The following PCNX2 variants were observed in gnomAD, a reference collection of about 807,000 sequenced individuals.
PCNX2 encodes pecanex 2, also known as pecanex-like protein 2.
PCNX2 carries 168 observed loss-of-function variants against 223.8 expected under a neutral mutation model. That is an observed-to-expected ratio of 0.75 (90% CI 0.66 to 0.85). The LOEUF is 0.85. Among genes scored for constraint, PCNX2 ranks in the 40% least tolerant of loss-of-function variants. PCNX2 has a pLI of 0.00. For missense variants in PCNX2, 2,507 were observed against 2,675.5 expected (o/e 0.94, Z 1.39); for synonymous variants, 1,006 against 1,052.6 (o/e 0.96, Z 0.86).
Position 233,090,102 on chromosome 1 carries a change from T to G in PCNX2, c.4035A>C (p.Thr1345=). The G allele has an allele frequency of 2.5e-6, 4 of 1,613,710 alleles. No homozygotes were observed. The highest frequency in any genetic ancestry group is 3.4e-6 in the Non-Finnish European group (4 of 1,179,812). The change falls in exon 23 of 34, where the codon ACA becomes ACC. Residue 1345 remains threonine, a synonymous_variant. Transcript: ENST00000258229. ...SPFLGSVIFI[T]SYVRPVKFWE... ...AGAATTTCACTGGCCTGACATATGATGTGATGAAAATGACACTCCCAAGAA... is the reference window on the plus strand; with the variant it reads ...AGAATTTCACTGGCCTGACATATGAGGTGATGAAAATGACACTCCCAAGAA...
At chr1:233,316,753 T>C in the PCNX2 span, among the ~76,000 whole-genome samples, 1 of 152,144 alleles carries the variant, frequency 6.6e-6, no homozygotes, top group South Asian at 2.1e-4. Flanking sequence ...GGCTACTCTG[T>C]CCTCCCTACT....
At chr1:233,036,707 G>T (rs1242205367) in intron 25 of PCNX2, among the ~76,000 whole-genome samples, 1 of 151,832 alleles carries the variant, frequency 6.6e-6, no homozygotes, top group African/African-American at 2.4e-5. Context: ...TTCATGCAGA[G>T]ATTTTCTAGG....
intron 1 of PCNX2, chr1:233,291,725 A>G (rs1661778881): frequency 1.0e-6 from 1 of 984,842 alleles, no homozygotes; most frequent in Admixed American, 6.2e-5. Flanking sequence ...TGTAAAGAAC[A>G]CTCTGCTCTG....
At chr1:233,178,013 A>T (rs1679580257) in intron 16 of PCNX2, 115 bp from the exon 17 acceptor site, 3 of 701,396 alleles carry the variant, frequency 4.3e-6, no homozygotes, top group Middle Eastern at 2.6e-4. Context: ...TGCTCTCTTC[A>T]TTTAAAAATT....
the PCNX2 span, among the ~76,000 whole-genome samples, chr1:233,323,691 A>T: frequency 1.1e-3 from 167 of 152,354 alleles, no homozygotes; most frequent in African/African-American, 3.6e-3. Flanking sequence ...AATAAATGTG[A>T]TAAATGGCTG....
At chr1:233,251,973 A>G (rs1659479230) in intron 7 of PCNX2, among the ~76,000 whole-genome samples, 2 of 152,278 alleles carry the variant, frequency 1.3e-5, no homozygotes, top group Admixed American at 6.5e-5. Flanking sequence ...CTTGAAGTTG[A>G]TAACTGTGAG....
intron 25 of PCNX2, among the ~76,000 whole-genome samples, chr1:233,034,691 G>A (rs888270075): frequency 5.9e-5 from 9 of 152,140 alleles, no homozygotes; most frequent in Admixed American, 3.3e-4. Flanking sequence ...ACCGAAGAAT[G>A]GTTGCCTGAA....
chr1:233,239,473 C>A (rs984883638), intron 8 of PCNX2, among the ~76,000 whole-genome samples: 21 of 151,988 alleles, frequency 1.4e-4, no homozygotes, highest in Non-Finnish European at 2.9e-4. Flanking sequence ...ATTTAAATAT[C>A]CTTTAAAAAA....
chr1:233,273,101 T>TA (rs1660729515), intron 1 of PCNX2, among the ~76,000 whole-genome samples: 2 of 150,748 alleles, frequency 1.3e-5, no homozygotes, highest in South Asian at 2.1e-4. Context: ...CTAAAGAACT[T>TA]ACTTATGTAA....
intron 8 of PCNX2, among the ~76,000 whole-genome samples, chr1:233,248,919 C>A (rs910182668): frequency 7.2e-5 from 11 of 152,188 alleles, no homozygotes; most frequent in Non-Finnish European, 8.8e-5. Flanking sequence ...TATGTCCAGG[C>A]AGCTGTGGAA....
chr1:233,232,329 T>C (rs1658114180), intron 9 of PCNX2, among the ~76,000 whole-genome samples: 1 of 152,210 alleles, frequency 6.6e-6, no homozygotes, highest in Non-Finnish European at 1.5e-5. Context: ...TATTTGATGA[T>C]TTTGCCCAGC....
chr1:233,147,347 A>G (rs181342398), intron 19 of PCNX2, among the ~76,000 whole-genome samples: 1 of 152,344 alleles, frequency 6.6e-6, no homozygotes, highest in East Asian at 1.9e-4. Flanking sequence ...GCTAGAGAAA[A>G]GAAGATGTTA....
chr1:233,001,786 T>C lies in PCNX2; in HGVS notation c.4953-105A>G. The C allele has an allele frequency of 8.9e-7, 1 of 1,126,932 alleles. No homozygotes were observed. Among genetic ancestry groups the C allele is most frequent in the Non-Finnish European group, 1.2e-6 (1 of 851,354 alleles). 69.8% of individuals were successfully genotyped at this position (1,126,932 alleles called of 1,614,324 possible). ...CTAAGAATTATCTTAACATTTAGGC[T>C]GATATAGCAAGAAAATGAAGATAAC... On this transcript the variant is annotated intron_variant, in intron 28 of 33. Transcript: ENST00000258229. The surrounding 1 kb of genome is among the most constrained non-coding windows in gnomAD (Gnocchi z 4.2).
chr1:233,033,117 G>A, intron 25 of PCNX2: 1 of 985,388 alleles, frequency 1.0e-6, no homozygotes, highest in Non-Finnish European at 1.2e-6. Flanking sequence ...TGTCAAGCTG[G>A]CAAGGCTGTC....
At chr1:233,006,497 C>T (rs988116848) in intron 28 of PCNX2, among the ~76,000 whole-genome samples, 3 of 152,316 alleles carry the variant, frequency 2.0e-5, no homozygotes, top group East Asian at 3.9e-4. Context: ...AAGAACCATA[C>T]AGCTCAAAAT....
intron 8 of PCNX2, among the ~76,000 whole-genome samples, chr1:233,247,693 C>T (rs1288111507): frequency 6.6e-6 from 1 of 152,004 alleles, no homozygotes; most frequent in Non-Finnish European, 1.5e-5. Context: ...GCCTGGCCAA[C>T]ATGGTGAAAC....
chr1:233,250,496 G>T, intron 8 of PCNX2: 1 of 895,408 alleles, frequency 1.1e-6, no homozygotes, highest in Non-Finnish European at 1.3e-6. Flanking sequence ...CAGAGTTCCT[G>T]TCTATTTATA....
At chr1:233,023,275 T>C (rs1469813880) in intron 26 of PCNX2, among the ~76,000 whole-genome samples, 1 of 152,250 alleles carries the variant, frequency 6.6e-6, no homozygotes, top group Admixed American at 6.5e-5. Flanking sequence ...TTTCTCCTTC[T>C]TCTGTGAACA....
intron 21 of PCNX2, among the ~76,000 whole-genome samples, chr1:233,106,536 TAG>T (rs944269146): frequency 3.9e-5 from 6 of 151,976 alleles, no homozygotes; most frequent in Non-Finnish European, 8.8e-5. Flanking sequence ...GTGTTTTTAG[TAG>T]AGACGGGGTT....
Sources: gnomAD v4.1 joint callset for allele counts (sites outside exome capture counted in the v4.1 genomes callset) on GRCh38, gnomAD v4.1.1 for gene constraint, Gnocchi (gnomAD v3.1) non-coding constraint, MANE v1.5 for transcripts, NCBI Gene and HGNC (gene_info 2026-07-23, HGNC 2026-07-21) for gene names.